Variants in HYCC1 observed in about 807,000 individuals in gnomAD.
The protein encoded by HYCC1 is hyccin PI4KA lipid kinase complex subunit 1.
chr7:22,977,472 A>G, the HYCC1 span: 5 of 1,070,512 alleles, frequency 4.7e-6, no homozygotes, highest in Admixed American at 1.0e-4. Context: ...TTACACACAA[A>G]TTTACAAACT....
chr7:22,945,640 T>G, the HYCC1 span: 20 of 1,613,654 alleles, frequency 1.2e-5, no homozygotes, highest in Non-Finnish European at 1.4e-5. Context: ...GCTGACCTGA[T>G]TGATGCTTCA....
At chr7:22,930,671 TAC>T in the HYCC1 span, among the ~76,000 whole-genome samples, 1 of 151,776 alleles carries the variant, frequency 6.6e-6, no homozygotes, top group African/African-American at 2.4e-5. Context: ...AAAATAAAAA[TAC>T]AGAGTAATAT....
the HYCC1 span, among the ~76,000 whole-genome samples, chr7:22,971,598 C>T: frequency 4.4e-3 from 659 of 150,060 alleles, 5 homozygotes; most frequent in African/African-American, 0.014. Context: ...ATTGCTTGAG[C>T]CTGGGAGGCG....
chr7:22,991,224 T>G, the HYCC1 span: 1 of 841,064 alleles, frequency 1.2e-6, no homozygotes, highest in Non-Finnish European at 1.9e-6. Flanking sequence ...TCCTATAAAG[T>G]TTTTACTTCA....
chr7:22,941,971 A>G, the HYCC1 span: 1 of 152,148 alleles, frequency 6.6e-6, no homozygotes, highest in Non-Finnish European at 1.5e-5. Flanking sequence ...TTTCAGTTAC[A>G]TTATTCAACA....
chr7:22,908,631 A>G, the HYCC1 span, among the ~76,000 whole-genome samples: 1 of 152,166 alleles, frequency 6.6e-6, no homozygotes, highest in African/African-American at 2.4e-5. Context: ...TCCAGCCTCT[A>G]ATAAAATCTG....
At chr7:22,933,375 A>G in the HYCC1 span, among the ~76,000 whole-genome samples, 1 of 152,230 alleles carries the variant, frequency 6.6e-6, no homozygotes, top group South Asian at 2.1e-4. Context: ...CATAATTGTT[A>G]TATTTTTGTG....
the HYCC1 span, among the ~76,000 whole-genome samples, chr7:22,970,107 A>G: frequency 1.3e-5 from 2 of 152,206 alleles, no homozygotes; most frequent in Admixed American, 6.5e-5. Context: ...CTCAAATACC[A>G]ACACACATGA....
chr7:22,975,710 GT>G, the HYCC1 span, among the ~76,000 whole-genome samples: 1 of 151,928 alleles, frequency 6.6e-6, no homozygotes, highest in East Asian at 1.9e-4. Context: ...TGTTTTTGTT[GT>G]TTTTGTTTGT....
chr7:23,003,232 A>G, the HYCC1 span, among the ~76,000 whole-genome samples: 3 of 152,092 alleles, frequency 2.0e-5, no homozygotes, highest in Non-Finnish European at 4.4e-5. Context: ...TAAGGTGGTT[A>G]AATATCATCC....
chr7:22,975,245 A>G, the HYCC1 span, among the ~76,000 whole-genome samples: 2 of 152,186 alleles, frequency 1.3e-5, no homozygotes, highest in Non-Finnish European at 2.9e-5. Context: ...TAACATTCAC[A>G]TTACCAAAAA....
the HYCC1 span, chr7:22,945,410 C>T: frequency 1.0e-5 from 6 of 600,496 alleles, no homozygotes; most frequent in Non-Finnish European, 1.8e-5. Flanking sequence ...ATAACAAAAC[C>T]ATATTTCAAC....
At chr7:22,996,217 C>T in the HYCC1 span, among the ~76,000 whole-genome samples, 4 of 149,952 alleles carry the variant, frequency 2.7e-5, no homozygotes, top group African/African-American at 2.5e-5. Context: ...CACTTGAACC[C>T]GGGAGGCAGA....
the HYCC1 span, among the ~76,000 whole-genome samples, chr7:23,000,416 T>C: frequency 6.6e-6 from 1 of 151,924 alleles, no homozygotes; most frequent in Non-Finnish European, 1.5e-5. Context: ...CCAAACAAAA[T>C]ATATCTGCTC....
At chr7:23,005,041 G>A in the HYCC1 span, among the ~76,000 whole-genome samples, 16 of 152,222 alleles carry the variant, frequency 1.1e-4, no homozygotes, top group African/African-American at 3.1e-4. Flanking sequence ...TCCTGACCTC[G>A]CGATCCGCCC....
At chr7:22,955,700 T>A in the HYCC1 span, among the ~76,000 whole-genome samples, 17 of 151,712 alleles carry the variant, frequency 1.1e-4, no homozygotes, top group African/African-American at 4.1e-4. Flanking sequence ...GCAATTAGAT[T>A]TGCTCTAGAA....
the HYCC1 span, among the ~76,000 whole-genome samples, chr7:22,906,289 G>A: frequency 1.3e-5 from 2 of 152,090 alleles, no homozygotes; most frequent in Non-Finnish European, 2.9e-5. Flanking sequence ...ATTTATCTCA[G>A]CTATGAAAGA....
chr7:23,008,780 A>C, the HYCC1 span, among the ~76,000 whole-genome samples: 1 of 152,092 alleles, frequency 6.6e-6, no homozygotes, highest in African/African-American at 2.4e-5. Context: ...TCTGAAGACG[A>C]TAACTGTTCA....
chr7:23,010,514 G>A, the HYCC1 span, among the ~76,000 whole-genome samples: 1 of 152,140 alleles, frequency 6.6e-6, no homozygotes, highest in African/African-American at 2.4e-5. Context: ...GGTTTCCTGG[G>A]GATAAGAGGA....
Sources: allele counts gnomAD v4.1 joint callset (sites outside exome capture counted in the v4.1 genomes callset), GRCh38; gene constraint gnomAD v4.1.1; transcripts MANE v1.5; gene names NCBI Gene and HGNC (gene_info 2026-07-23, HGNC 2026-07-21).